PDGFD: variants seen among roughly 807,000 people sequenced by gnomAD.
The protein encoded by PDGFD is platelet-derived growth factor D.
A neutral mutation model predicts 44.7 loss-of-function variants in PDGFD; 30 were observed. The ratio of observed to expected loss-of-function variants is 0.67; its 90% CI spans 0.50 to 0.91. The LOEUF (loss-of-function observed/expected upper bound fraction) is 0.91. PDGFD is among the 40% of genes least tolerant of loss of function. The pLI is 0.00. For synonymous variants in PDGFD, 173 were observed against 168.4 expected, an observed-to-expected ratio of 1.03 and a Z score of -0.21; for missense variants, 445 against 457.8, an observed-to-expected ratio of 0.97 and a Z score of 0.25.
At chr11:104,107,226 G>A (rs893532280) in intron 1 of PDGFD, among the ~76,000 whole-genome samples, 3 of 152,180 alleles carry the variant, frequency 2.0e-5, no homozygotes, top group East Asian at 1.9e-4. Flanking sequence ...CCCTTTAAAA[G>A]AGGGTCGATC....
intron 6 of PDGFD, among the ~76,000 whole-genome samples, chr11:103,916,750 A>G (rs986294991): frequency 6.6e-5 from 10 of 152,218 alleles, no homozygotes; most frequent in African/African-American, 1.9e-4. Context: ...ATGAAATACT[A>G]TGCAGCCATA....
chr11:104,017,338 G>C (rs1167356619), intron 1 of PDGFD, among the ~76,000 whole-genome samples: 1 of 150,816 alleles, frequency 6.6e-6, no homozygotes, highest in Non-Finnish European at 1.5e-5. Flanking sequence ...CATTCCTTGG[G>C]TGTTTTTCCG....
rs138345647 is a variant in PDGFD at position 104,140,707 on chromosome 11, C to T, written c.124+23097G>A. On this transcript the variant is annotated intron_variant, in intron 1 of 6. Transcript: ENST00000393158. ...ACTATATCCCCCCCTGAACATTATC[C>T]TGGCAACTGAAGCAACATATCCAAA... Among the ~76,000 whole-genome samples the T allele has an allele frequency of 6.1e-3, 928 of 152,272 alleles. 9 individuals are homozygous for T. Among genetic ancestry groups the T allele is most frequent in the Non-Finnish European group, 6.1e-3 (413 of 68,020 alleles).
intron 1 of PDGFD, among the ~76,000 whole-genome samples, chr11:104,071,391 A>G (rs147539184): frequency 7.0e-5 from 10 of 143,826 alleles, no homozygotes; most frequent in African/African-American, 9.8e-5. Flanking sequence ...GCATGTGTGT[A>G]TATATATATA....
intron 6 of PDGFD, among the ~76,000 whole-genome samples, chr11:103,913,708 C>T (rs959032903): frequency 1.3e-5 from 2 of 152,106 alleles, no homozygotes; most frequent in Admixed American, 1.3e-4. Flanking sequence ...ATCAATGAAT[C>T]CAGGAGCTGG....
chr11:104,071,143 T>G (rs1860869208), intron 1 of PDGFD, among the ~76,000 whole-genome samples: 1 of 151,998 alleles, frequency 6.6e-6, no homozygotes, highest in Admixed American at 6.6e-5. Context: ...AAATTTTAAG[T>G]GTATAGTACT....
At chr11:104,008,009 T>G (rs1280411108) in intron 1 of PDGFD, among the ~76,000 whole-genome samples, 1 of 152,218 alleles carries the variant, frequency 6.6e-6, no homozygotes, top group Non-Finnish European at 1.5e-5. Flanking sequence ...AGAGAAGTGA[T>G]TTGTTGCAAG....
chr11:104,088,180 C>G (rs1952030113), intron 1 of PDGFD, among the ~76,000 whole-genome samples: 1 of 152,200 alleles, frequency 6.6e-6, no homozygotes, highest in African/African-American at 2.4e-5. Flanking sequence ...CTCTGTGCCA[C>G]CTGCACTAGC....
intron 6 of PDGFD, among the ~76,000 whole-genome samples, chr11:103,911,657 A>G (rs1783095587): frequency 6.6e-6 from 1 of 152,092 alleles, no homozygotes; most frequent in South Asian, 2.1e-4. Flanking sequence ...TAGGCTTCAG[A>G]AGGTGGGTAA....
chr11:103,917,148 G>A (rs1591074993), intron 6 of PDGFD, among the ~76,000 whole-genome samples: 1 of 150,874 alleles, frequency 6.6e-6, no homozygotes, highest in East Asian at 1.9e-4. Flanking sequence ...TAAGTAAAAT[G>A]TGTTTTATGT....
chr11:104,088,206 T>C (rs865944357), intron 1 of PDGFD, among the ~76,000 whole-genome samples: 1 of 152,260 alleles, frequency 6.6e-6, no homozygotes, highest in South Asian at 2.1e-4. Flanking sequence ...CCCTTGTGTA[T>C]GGTGGTTGCT....
chr11:104,141,724 AGAG>A (rs1246268383), intron 1 of PDGFD, among the ~76,000 whole-genome samples: 2 of 152,184 alleles, frequency 1.3e-5, no homozygotes, highest in Non-Finnish European at 2.9e-5. Context: ...CACACACAAA[AGAG>A]GAGAAGGCAA....
intron 1 of PDGFD, among the ~76,000 whole-genome samples, chr11:104,083,228 A>G (rs1320660689): frequency 6.6e-6 from 1 of 152,184 alleles, no homozygotes; most frequent in African/African-American, 2.4e-5. Context: ...TCATTTTCTA[A>G]CTAACTGCAG....
chr11:104,041,316 A>C (rs1294922448), intron 1 of PDGFD, among the ~76,000 whole-genome samples: 1 of 152,094 alleles, frequency 6.6e-6, no homozygotes, highest in Non-Finnish European at 1.5e-5. Flanking sequence ...ATGTTGGTAC[A>C]AAAGAATACA....
In PDGFD at chr11:104,035,170, T is replaced by C. The variant is rs527324744; in HGVS notation, c.125-34915A>G. On this transcript the variant is annotated intron_variant, in intron 1 of 6. Transcript: ENST00000393158. Reference sequence around the variant, plus strand: ...ATTTTCCTACAGAACTGATGTCAAATGGGTCACCTCAAAGGTTCATCTCAC... The same window carrying C: ...ATTTTCCTACAGAACTGATGTCAAACGGGTCACCTCAAAGGTTCATCTCAC... Among the ~76,000 whole-genome samples, 124 of 152,244 alleles carry C rather than the reference T, an allele frequency of 8.1e-4. 2 individuals carry two copies. The highest frequency in any genetic ancestry group is 5.8e-4 in the East Asian group (3 of 5,172).
chr11:104,144,007 A>C (rs140381512), intron 1 of PDGFD, among the ~76,000 whole-genome samples: 1 of 152,180 alleles, frequency 6.6e-6, no homozygotes, highest in African/African-American at 2.4e-5. Context: ...TTGGCTTCCA[A>C]CTTTATTTAG....
intron 1 of PDGFD, among the ~76,000 whole-genome samples, chr11:104,097,507 A>G (rs1861303925): frequency 6.6e-6 from 1 of 152,150 alleles, no homozygotes; most frequent in African/African-American, 2.4e-5. Context: ...GAACATGAGC[A>G]TCTAGAACAA....
Position 104,082,142 on chromosome 11 carries a change from A to ATATATATATATATATATATATATG in PDGFD, c.124+81661_124+81662insCATATATATATATATATATATATA, listed in dbSNP as rs1409943824. On this transcript the variant is annotated intron_variant, in intron 1 of 6. Coordinates refer to ENST00000393158, the MANE Select transcript of PDGFD (RefSeq NM_025208.5). The stretch of plus-strand genomic sequence containing the variant: ...GATGTCCATATACATACATACATAT[A>ATATATATATATATATATATATATG]TATATATGAAAAACAAAGTCCATTA... Among the ~76,000 whole-genome samples, 9 of 147,428 alleles carry ATATATATATATATATATATATATG rather than the reference A, an allele frequency of 6.1e-5. 1 individual carries two copies. The highest frequency in any genetic ancestry group is 2.3e-4 in the African/African-American group (9 of 39,306).
intron 1 of PDGFD, among the ~76,000 whole-genome samples, chr11:104,062,876 G>A (rs1860735461): frequency 6.6e-6 from 1 of 152,184 alleles, no homozygotes; most frequent in Admixed American, 6.5e-5. Context: ...CAAATATAGA[G>A]TAACTGTCAG....
Sources: allele counts gnomAD v4.1 joint callset (sites outside exome capture counted in the v4.1 genomes callset), GRCh38; gene constraint gnomAD v4.1.1; transcripts MANE v1.5; gene names NCBI Gene and HGNC (gene_info 2026-07-23, HGNC 2026-07-21).